ADGRE1: variants seen among roughly 807,000 people sequenced by gnomAD.
ADGRE1 encodes EGF-like module receptor 1.
Under a neutral mutation model 102.7 loss-of-function variants are expected in ADGRE1, and 82 were observed. The observed-to-expected ratio is 0.80, with a 90% CI of 0.67 to 0.96. The LOEUF (loss-of-function observed/expected upper bound fraction) is 0.96. Ranked by LOEUF, ADGRE1 falls within the 40% of genes least tolerant of loss-of-function variation. ADGRE1 has a pLI of 0.00. For synonymous variants in ADGRE1, 398 were observed against 399.6 expected (o/e 1.00, Z 0.05); for missense variants, 1,032 against 1,085.3 (o/e 0.95, Z 0.69).
intron 10 of ADGRE1, among the ~76,000 whole-genome samples, chr19:6,911,833 CACACACACCCCACACACATTTACACACAT>C (rs1252703683): frequency 2.4e-4 from 28 of 116,042 alleles, no homozygotes; most frequent in Admixed American, 3.4e-4. Context: ...CAAATGCATA[CACACACACCCCACACACATTTACACACAT>C]ACACACACCC....
In ADGRE1 at chr19:6,904,149, G is replaced by C; in HGVS notation, c.916G>C (p.Gly306Arg). 1 of 1,614,140 alleles carries C rather than the reference G, an allele frequency of 6.2e-7. No homozygotes were observed. ...CIAGFHPNPEGSQKDGNFSCQ... is the reference protein window; with the variant it reads ...CIAGFHPNPERSQKDGNFSCQ... Reference sequence around the variant, plus strand: ...TGCAGGCTTTCATCCCAATCCAGAAGGCTCCCAGAAAGATGGCAACTTCAG... The same window carrying C: ...TGCAGGCTTTCATCCCAATCCAGAACGCTCCCAGAAAGATGGCAACTTCAG... The change falls in exon 8 of 21, where the codon GGC becomes CGC. Residue 306 changes from glycine (G) to arginine (R), a missense_variant. By Grantham distance (125) the Gly-to-Arg change is moderately radical. Coordinates refer to ENST00000312053, the MANE Select transcript of ADGRE1 (RefSeq NM_001974.5).
Position 6,940,165 on chromosome 19 carries a change from G to C in ADGRE1, c.*136G>C. 7 of 1,049,582 alleles carry C rather than the reference G, an allele frequency of 6.7e-6. No homozygotes were observed. Among genetic ancestry groups the C allele is most frequent in the Non-Finnish European group, 1.0e-5 (7 of 702,594 alleles). 65.0% of individuals were successfully genotyped at this position (1,049,582 alleles called of 1,614,324 possible). ...ACCAGCCCCAGAACCCTCTGGGGAA[G>C]AATGTTGGGGGCGGTCTTCCTGTGG... On this transcript the variant is annotated 3_prime_UTR_variant, in exon 21 of 21. Transcript: ENST00000312053.
At chr19:6,908,141 G>A (rs555158009) in intron 9 of ADGRE1, among the ~76,000 whole-genome samples, 9 of 152,350 alleles carry the variant, frequency 5.9e-5, no homozygotes, top group Non-Finnish European at 1.2e-4. Context: ...ACAAACAATA[G>A]CATGAGCCAT....
chr19:6,906,110 C>A (rs1973942519), intron 8 of ADGRE1, among the ~76,000 whole-genome samples: 1 of 152,006 alleles, frequency 6.6e-6, no homozygotes, highest in Non-Finnish European at 1.5e-5. Flanking sequence ...AATATCATGC[C>A]TCTTAGAGTG....
chr19:6,919,706 G>A lies in ADGRE1; in HGVS notation c.1579G>A (p.Gly527Ser), dbSNP rs373037844. 14 of 1,613,376 alleles carry A rather than the reference G, an allele frequency of 8.7e-6. 1 individual carries two copies. The highest frequency in any genetic ancestry group is 6.7e-5 in the East Asian group (3 of 44,804). The change falls in exon 13 of 21, where the codon GGC becomes AGC. Residue 527 changes from glycine (G) to serine (S), a missense_variant. Coordinates refer to ENST00000312053, the MANE Select transcript of ADGRE1 (RefSeq NM_001974.5). ...GGIMTGEKKD[G>S]FSDPIIYTLE... is the part of the protein sequence containing the mutation. ...CATAATGACTGGAGAGAAGAAAGAC[G>A]GCTTCTCAGATCCAATCATCTACAC...
intron 5 of ADGRE1, among the ~76,000 whole-genome samples, chr19:6,899,232 G>T (rs554251588): frequency 4.6e-5 from 7 of 152,246 alleles, no homozygotes; most frequent in African/African-American, 1.7e-4. Context: ...AGATATTTTT[G>T]ATTGTCTCAA....
chr19:6,903,694 G>A (rs998407099), intron 6 of ADGRE1, 116 bp from the exon 7 acceptor site: 14 of 1,355,598 alleles, frequency 1.0e-5, no homozygotes, highest in Middle Eastern at 2.5e-4. Context: ...AGGAAATGTA[G>A]TCCCTGGCTG....
intron 20 of ADGRE1, among the ~76,000 whole-genome samples, chr19:6,938,945 G>A (rs760949622): frequency 2.0e-5 from 3 of 151,818 alleles, no homozygotes; most frequent in Non-Finnish European, 2.9e-5. Flanking sequence ...ACAGGCGCCC[G>A]CCAGCACACC....
chr19:6,887,687 T>C lies in ADGRE1; in HGVS notation c.31+48T>C, dbSNP rs373948831. ...GGCTAGGGGAGGCCTGGATTGGAAA[T>C]AGACTTCAGGAGAAATGGGAGGGCC... On this transcript the variant is annotated intron_variant, in intron 1 of 20. Coordinates refer to ENST00000312053, the MANE Select transcript of ADGRE1 (RefSeq NM_001974.5). 822 of 1,588,158 alleles carry C rather than the reference T, an allele frequency of 5.2e-4. 1 individual carries two copies. The highest frequency in any genetic ancestry group is 6.7e-4 in the Non-Finnish European group (787 of 1,168,546).
At chr19:6,890,687 T>G in intron 2 of ADGRE1, 144 bp downstream of exon 2, 1 of 769,312 alleles carries the variant, frequency 1.3e-6, no homozygotes, top group East Asian at 2.7e-5. Flanking sequence ...GCAAGTCTCC[T>G]GATTCTCACT....
Position 6,898,209 on chromosome 19 carries a change from G to A in ADGRE1, c.514+662G>A, listed in dbSNP as rs549049811. On this transcript the variant is annotated intron_variant, in intron 5 of 20. Transcript: ENST00000312053. ...GACAGAAGAAGTACCAAAGTGAAGC[G>A]CATATGGGATGGGAGATATTGTTTT... The A allele has an allele frequency of 7.6e-4, 776 of 1,025,610 alleles. 7 individuals carry two copies. The South Asian group carries it at 0.01, about 14-fold the overall frequency. The allele number at this position is 1,025,610 out of a possible 1,614,324, so 63.5% of individuals were successfully genotyped here.
rs1261453070 is a variant in ADGRE1 at position 6,926,392 on chromosome 19, C to T, written c.2013C>T (p.Phe671=). The T allele has an allele frequency of 6.2e-7, 1 of 1,614,180 alleles. No individual in the cohort carries two copies. The highest frequency in any genetic ancestry group is 8.5e-7 in the Non-Finnish European group (1 of 1,180,046). The change falls in exon 16 of 21, where the codon TTC becomes TTT. Residue 671 remains phenylalanine, a synonymous_variant. Transcript: ENST00000312053. The stretch of plus-strand genomic sequence containing the variant: ...TGGGCTGCGCCATCATCGCGGGCTT[C>T]CTGCACTACCTTTTCCTTGCCTGCT... ...NKMGCAIIAG[F]LHYLFLACFF...
chr19:6,908,022 C>T (rs993982716), intron 9 of ADGRE1, among the ~76,000 whole-genome samples: 1 of 152,264 alleles, frequency 6.6e-6, no homozygotes, highest in Non-Finnish European at 1.5e-5. Context: ...GTGACATGTT[C>T]ATGATGGCCA....
In ADGRE1 at chr19:6,896,465, C is replaced by G; in HGVS notation, c.162C>G (p.Tyr54Ter). ...CCTGCACCAATACAGTGGACAGTTA[C>G]TATTGCGCTTGCAAACAAGGCTTCC... Reference protein sequence around the residue: ...YATCTNTVDSYYCACKQGFLS... With the variant: ...YATCTNTVDS Residue 54 changes from tyrosine to a stop codon, truncating the protein, a stop_gained, in exon 3 of 21, where the codon TAC becomes TAG. Transcript: ENST00000312053. LOFTEE classifies it high-confidence loss of function. 6.2e-7 allele frequency: 1 copy of G among 1,614,160 alleles called. No homozygotes were observed. The highest frequency in any genetic ancestry group is 8.5e-7 in the Non-Finnish European group (1 of 1,179,998).
rs1298768028 is a variant in ADGRE1, at chr19:6,898,342, G to T, written c.514+795G>T. 13 of 1,598,156 alleles carry T rather than the reference G, an allele frequency of 8.1e-6. No homozygotes were observed. In the Admixed American group the frequency reaches 1.3e-4, roughly 16 times the overall value. ...ATGTTCTCAAAGCCCCCAGCCCTGT[G>T]GTCCTAATTCATCCTGCAAAAACAT... is the stretch of plus-strand genomic sequence containing the variant. On this transcript the variant is annotated intron_variant, in intron 5 of 20. Transcript: ENST00000312053.
chr19:6,933,972 C>T (rs569437134), intron 17 of ADGRE1, among the ~76,000 whole-genome samples: 4 of 152,208 alleles, frequency 2.6e-5, no homozygotes, highest in Admixed American at 1.3e-4. Flanking sequence ...TATGTCCTAA[C>T]GTACTGGATG....
At chr19:6,890,696 C>G (rs1973336423) in intron 2 of ADGRE1, among the ~76,000 whole-genome samples, 153 bp downstream of exon 2, 1 of 152,202 alleles carries the variant, frequency 6.6e-6, no homozygotes, top group South Asian at 2.1e-4. Context: ...CTGATTCTCA[C>G]TTCAGGCTCT....
At chr19:6,892,419 C>G (rs191354141) in intron 2 of ADGRE1, among the ~76,000 whole-genome samples, 21 of 152,284 alleles carry the variant, frequency 1.4e-4, no homozygotes, top group African/African-American at 4.6e-4. Flanking sequence ...TCCAATCCAT[C>G]GGCAAATTTT....
At chr19:6,910,716 C>T (rs368832770) in intron 10 of ADGRE1, among the ~76,000 whole-genome samples, 8 of 151,706 alleles carry the variant, frequency 5.3e-5, no homozygotes, top group Non-Finnish European at 7.4e-5. Context: ...GGACTACAGG[C>T]GCCCACCACC....
Sources: gnomAD v4.1 joint callset for allele counts (sites outside exome capture counted in the v4.1 genomes callset) on GRCh38, gnomAD v4.1.1 for gene constraint, MANE v1.5 for transcripts, NCBI Gene and HGNC (gene_info 2026-07-23, HGNC 2026-07-21) for gene names.